The following ALG13 variants were observed in gnomAD, a reference collection of about 807,000 sequenced individuals.
ALG13 encodes the protein ALG13 UDP-N-acetylglucosaminyltransferase subunit.
A neutral mutation model predicts 87.8 loss-of-function variants in ALG13; 11 were observed. The ratio of observed to expected loss-of-function variants is 0.13; its 90% CI spans 0.08 to 0.21. The LOEUF is 0.21. ALG13 is among the 10% of genes least tolerant of loss of function. The pLI, the probability that ALG13 is intolerant of heterozygous loss-of-function variation, is 1.00. For missense variants in ALG13, 756 were observed against 866.1 expected (o/e 0.87, Z 1.60); for synonymous variants, 320 against 306.3 (o/e 1.04, Z -0.47).
intron 21 of ALG13, among the ~76,000 whole-genome samples, chrX:111,734,772 A>G (rs1240305771): frequency 1.8e-5 from 2 of 111,466 alleles, no homozygotes; most frequent in Non-Finnish European, 3.8e-5. Flanking sequence ...TTTTAAGGCA[A>G]AGATCACTGA....
intron 24 of ALG13, among the ~76,000 whole-genome samples, chrX:111,750,088 A>G (rs1481839239): frequency 1.8e-5 from 2 of 110,259 alleles, no homozygotes; most frequent in African/African-American, 3.3e-5. Context: ...ATCTCTTTCT[A>G]CTCCTATGTG....
In ALG13 at chrX:111,727,070, G is replaced by A. The variant is rs1942146144; in HGVS notation, c.1976+15G>A. On this transcript the variant is annotated intron_variant, in intron 16 of 26. Transcript: ENST00000394780. Reference sequence around the variant, plus strand: ...GGGATGCCCAGGTAAGACATTGACAGATTTGTATTTTCATGGTCTAGGGAA... The same window carrying A: ...GGGATGCCCAGGTAAGACATTGACAAATTTGTATTTTCATGGTCTAGGGAA... The A allele has an allele frequency of 4.1e-6, 5 of 1,209,786 alleles. No homozygotes were observed. The East Asian group carries it at 1.5e-4, about 36-fold the overall frequency.
Position 111,736,898 on chromosome X carries a change from C to A in ALG13, c.2695+19C>A, listed in dbSNP as rs766896519. 2 of 1,179,975 alleles carry A rather than the reference C, an allele frequency of 1.7e-6. No homozygotes were observed. Among genetic ancestry groups the A allele is most frequent in the Non-Finnish European group, 2.3e-6 (2 of 877,021 alleles). Reference sequence around the variant, plus strand: ...AGGCCAGGTAGGTTATTAGCAGATGCTTACTTTGGAAGCCTCTTTTCCTAT... The same window carrying A: ...AGGCCAGGTAGGTTATTAGCAGATGATTACTTTGGAAGCCTCTTTTCCTAT... On this transcript the variant is annotated intron_variant, in intron 23 of 26. Transcript: ENST00000394780.
rs11797671 is a variant in ALG13 at position 111,702,660 on chromosome X, A to G, written c.384-5367A>G. On this transcript the variant is annotated intron_variant, in intron 3 of 26. Coordinates refer to ENST00000394780, the MANE Select transcript of ALG13 (RefSeq NM_001099922.3). The stretch of plus-strand genomic sequence containing the variant: ...TATTTTCTAGTCCTTCTGAGTGTCT[A>G]TCTTCCTGCGATTTCCCCTTCATCC... 9.0e-3 allele frequency among the ~76,000 whole-genome samples: 988 copies of G among 110,312 alleles called. 5 individuals are homozygous for G. The highest frequency in any genetic ancestry group is 0.011 in the Non-Finnish European group (603 of 52,654).
intron 15 of ALG13, 32 bp downstream of exon 15, chrX:111,725,093 TC>T (rs1569518788): frequency 1.7e-6 from 2 of 1,201,196 alleles, no homozygotes; most frequent in African/African-American, 3.5e-5. Flanking sequence ...ATTTTGTTTT[TC>T]CCTTCCTGTA....
At chrX:111,695,535 AAAAC>A (rs1376051707) in intron 3 of ALG13, among the ~76,000 whole-genome samples, 3 of 110,088 alleles carry the variant, frequency 2.7e-5, no homozygotes, top group Non-Finnish European at 3.8e-5. Flanking sequence ...AAAAAAAAAA[AAAAC>A]AAACCCTCAG....
chrX:111,725,181 CTT>C, intron 15 of ALG13, 120 bp downstream of exon 15: 1 of 853,271 alleles, frequency 1.2e-6, no homozygotes, highest in East Asian at 3.4e-5. Flanking sequence ...GGTTTCTCAA[CTT>C]TAGCATTACT....
intron 3 of ALG13, among the ~76,000 whole-genome samples, chrX:111,699,539 A>G (rs148430803): frequency 2.5e-4 from 28 of 111,227 alleles, no homozygotes; most frequent in African/African-American, 9.1e-4. Context: ...TAAGTTTTCA[A>G]TCCATTTTGA....
At chrX:111,701,948 G>A (rs1937955065) in intron 3 of ALG13, among the ~76,000 whole-genome samples, 1 of 111,047 alleles carries the variant, frequency 9.0e-6, no homozygotes, top group Non-Finnish European at 1.9e-5. Flanking sequence ...GAAGCATTTT[G>A]TCTAATTCCC....
Position 111,718,623 on chromosome X carries a change from G to A in ALG13, c.1250+349G>A, listed in dbSNP as rs142312557. Reference sequence around the variant, plus strand: ...AAATTTGAGGTCAGGATGGGACCAGGAATCTGTTTTTTAAACAAGTGTGCC... The same window carrying A: ...AAATTTGAGGTCAGGATGGGACCAGAAATCTGTTTTTTAAACAAGTGTGCC... On this transcript the variant is annotated intron_variant, in intron 10 of 26. Transcript: ENST00000394780. Among the ~76,000 whole-genome samples the A allele has an allele frequency of 1.2e-3, 131 of 112,210 alleles. 1 individual carries two copies. The East Asian group carries it at 0.027, about 24-fold the overall frequency.
intron 23 of ALG13, among the ~76,000 whole-genome samples, chrX:111,741,400 A>G (rs763339056): frequency 9.5e-4 from 107 of 112,585 alleles, no homozygotes; most frequent in Non-Finnish European, 1.8e-3. Flanking sequence ...TATTAAAGTC[A>G]AAACAACAGT....
intron 3 of ALG13, chrX:111,689,403 C>G (rs759901066): frequency 5.3e-6 from 4 of 752,923 alleles, no homozygotes; most frequent in Non-Finnish European, 6.3e-6. Flanking sequence ...TAAAGAGAAA[C>G]AAATGAAAGG....
At chrX:111,688,196 T>A in intron 3 of ALG13, 1 of 807,547 alleles carries the variant, frequency 1.2e-6, no homozygotes, top group Non-Finnish European at 1.5e-6. Context: ...TTAGTGAAAT[T>A]ACTAGATTTT....
intron 25 of ALG13, among the ~76,000 whole-genome samples, chrX:111,755,467 G>C (rs1440305510): frequency 8.9e-6 from 1 of 112,171 alleles, no homozygotes; most frequent in African/African-American, 3.2e-5. Context: ...CTTCTGCACA[G>C]AAAAAGAACC....
intron 10 of ALG13, among the ~76,000 whole-genome samples, chrX:111,719,369 C>A (rs1321766577): frequency 1.8e-5 from 2 of 111,435 alleles, no homozygotes; most frequent in Non-Finnish European, 3.8e-5. Context: ...GGAGTGGCAA[C>A]CATGTATTAG....
intron 24 of ALG13, among the ~76,000 whole-genome samples, chrX:111,749,619 T>A (rs757895260): frequency 2.7e-5 from 3 of 110,377 alleles, no homozygotes; most frequent in Non-Finnish European, 3.8e-5. Flanking sequence ...AGTATCATAG[T>A]ATACCCGTCA....
At chrX:111,750,403 CT>C (rs775982202) in intron 24 of ALG13, among the ~76,000 whole-genome samples, 1 of 111,353 alleles carries the variant, frequency 9.0e-6, no homozygotes, top group Non-Finnish European at 1.9e-5. Flanking sequence ...GTACTTTATT[CT>C]TTTTTATGGC....
intron 10 of ALG13, among the ~76,000 whole-genome samples, chrX:111,719,355 G>A (rs1367358983): frequency 9.0e-6 from 1 of 111,493 alleles, no homozygotes; most frequent in African/African-American, 3.3e-5. Context: ...ATTTGGGACT[G>A]CCAGGAGTGG....
Position 111,682,247 on chromosome X carries a change from C to T in ALG13, c.197C>T (p.Ser66Phe). The T allele has an allele frequency of 5.9e-6, 7 of 1,194,188 alleles. No homozygotes were observed. The highest frequency in any genetic ancestry group is 3.5e-5 in the African/African-American group (2 of 57,226). ...FTLDVYRYKDSLKEDIQKADL... is the reference protein window; with the variant it reads ...FTLDVYRYKDFLKEDIQKADL... ...CTGGATGTTTACAGGTACAAGGATT[C>T]CTTGAAAGAAGACATTCAGAAAGCA... The change falls in exon 2 of 27, where the codon TCC (serine) becomes TTC (phenylalanine). Residue 66 changes from serine (S) to phenylalanine (F), a missense_variant. Ser to Phe is a radical substitution (Grantham distance 155). Coordinates refer to ENST00000394780, the MANE Select transcript of ALG13 (RefSeq NM_001099922.3).
Sources: gnomAD v4.1 joint callset for allele counts (sites outside exome capture counted in the v4.1 genomes callset) on GRCh38, gnomAD v4.1.1 for gene constraint, MANE v1.5 for transcripts, NCBI Gene and HGNC (gene_info 2026-07-23, HGNC 2026-07-21) for gene names.